PAK5: variants seen among roughly 807,000 people sequenced by gnomAD.
PAK5 encodes the protein p21 (RAC1) activated kinase 5, also known as serine/threonine-protein kinase PAK 5.
PAK5 carries 16 observed loss-of-function variants against 65.9 expected under a neutral mutation model. The ratio of observed to expected loss-of-function variants is 0.24; its 90% confidence interval spans 0.16 to 0.37. The LOEUF is 0.37. Ranked by LOEUF, PAK5 falls within the 10% of genes least tolerant of loss-of-function variation. The pLI is 1.00. For missense variants in PAK5, 785 were observed against 903.9 expected (o/e 0.87, Z 1.69); for synonymous variants, 371 against 354.9 (o/e 1.05, Z -0.51).
intron 3 of PAK5, among the ~76,000 whole-genome samples, chr20:9,615,174 G>A (rs1422012979): frequency 6.6e-6 from 1 of 152,202 alleles, no homozygotes; most frequent in Non-Finnish European, 1.5e-5. Flanking sequence ...CGGGGTTAGG[G>A]TGTGGGAGGG....
intron 3 of PAK5, among the ~76,000 whole-genome samples, chr20:9,613,523 C>A (rs1318392331): frequency 6.6e-6 from 1 of 152,160 alleles, no homozygotes; most frequent in Non-Finnish European, 1.5e-5. Context: ...GGAGCTTAAC[C>A]AGGTTCTCAC....
At chr20:9,835,077 T>C (rs1484082192) in intron 1 of PAK5, among the ~76,000 whole-genome samples, 3 of 152,200 alleles carry the variant, frequency 2.0e-5, no homozygotes, top group African/African-American at 7.2e-5. Flanking sequence ...AGGTTCTAAA[T>C]TGCTCTTTCT....
intron 2 of PAK5, among the ~76,000 whole-genome samples, chr20:9,676,547 G>C (rs1263053432): frequency 6.6e-6 from 1 of 152,134 alleles, no homozygotes; most frequent in Non-Finnish European, 1.5e-5. Context: ...AAGAAAACAG[G>C]ATAGTTTCAA....
intron 1 of PAK5, among the ~76,000 whole-genome samples, chr20:9,826,433 G>T (rs1303208798): frequency 6.6e-6 from 1 of 152,172 alleles, no homozygotes; most frequent in Non-Finnish European, 1.5e-5. Flanking sequence ...ACTGGTAAGT[G>T]ATTCTTTCGA....
chr20:9,756,251 T>C (rs952426994), intron 1 of PAK5, among the ~76,000 whole-genome samples: 1 of 152,202 alleles, frequency 6.6e-6, no homozygotes, highest in Non-Finnish European at 1.5e-5. Context: ...CCAGGTTTTA[T>C]GTCTTGAGAA....
intron 7 of PAK5, among the ~76,000 whole-genome samples, chr20:9,545,886 C>A (rs2045336544): frequency 6.6e-6 from 1 of 152,064 alleles, no homozygotes; most frequent in Non-Finnish European, 1.5e-5. Context: ...ATCCTTGACT[C>A]TTGTCTCTAT....
At chr20:9,666,708 G>A (rs774705606) in intron 2 of PAK5, among the ~76,000 whole-genome samples, 2 of 152,036 alleles carry the variant, frequency 1.3e-5, no homozygotes, top group Admixed American at 6.6e-5. Context: ...AAAACAAATA[G>A]CAAAAAGTTG....
At chr20:9,761,870 T>C (rs1042300709) in intron 1 of PAK5, among the ~76,000 whole-genome samples, 7 of 152,082 alleles carry the variant, frequency 4.6e-5, no homozygotes, top group African/African-American at 1.2e-4. Context: ...AGAGTAGCCA[T>C]ATAAAAAATT....
chr20:9,807,182 G>A lies in PAK5; in HGVS notation c.-162+31580C>T, dbSNP rs2049242946. Among the ~76,000 whole-genome samples, 2 of 152,084 alleles carry A rather than the reference G, an allele frequency of 1.3e-5. 1 individual carries two copies. The highest frequency in any genetic ancestry group is 1.3e-4 in the Admixed American group (2 of 15,268). On this transcript the variant is annotated intron_variant, in intron 1 of 9. Transcript: ENST00000353224. ...TTAATCATATCTGCAAATCCTTTTTGTCATATAAAGGAATGTGTTCTGTGG... is the reference window on the plus strand; with the variant it reads ...TTAATCATATCTGCAAATCCTTTTTATCATATAAAGGAATGTGTTCTGTGG...
chr20:9,770,139 G>A (rs1282483742), intron 1 of PAK5, among the ~76,000 whole-genome samples: 1 of 152,150 alleles, frequency 6.6e-6, no homozygotes, highest in East Asian at 1.9e-4. Flanking sequence ...CCAGAGTGAT[G>A]TCCTTGGGCA....
chr20:9,786,232 G>A (rs1202205189), intron 1 of PAK5, among the ~76,000 whole-genome samples: 2 of 152,036 alleles, frequency 1.3e-5, no homozygotes, highest in Non-Finnish European at 2.9e-5. Context: ...CCAGCTGGAA[G>A]GGAGGCTGGG....
At chr20:9,544,621 G>A in intron 7 of PAK5, 127 bp from the exon 8 acceptor site, 1 of 813,986 alleles carries the variant, frequency 1.2e-6, no homozygotes, top group East Asian at 2.6e-5. Flanking sequence ...GGACATATCA[G>A]AGGAGGGACT....
intron 2 of PAK5, among the ~76,000 whole-genome samples, chr20:9,648,994 G>A (rs1351257375): frequency 6.6e-6 from 1 of 152,140 alleles, no homozygotes; most frequent in Non-Finnish European, 1.5e-5. Flanking sequence ...TAAACCAAGG[G>A]CACAGCATAC....
At chr20:9,804,442 A>T (rs1167905979) in intron 1 of PAK5, among the ~76,000 whole-genome samples, 1 of 152,200 alleles carries the variant, frequency 6.6e-6, no homozygotes, top group East Asian at 1.9e-4. Flanking sequence ...TTTATGACAA[A>T]GGTGCCAGGA....
At chr20:9,701,264 A>G (rs898842374) in intron 2 of PAK5, among the ~76,000 whole-genome samples, 5 of 152,324 alleles carry the variant, frequency 3.3e-5, no homozygotes, top group Admixed American at 6.5e-5. Flanking sequence ...AACGTGTGAA[A>G]ATATTCCTGA....
intron 1 of PAK5, among the ~76,000 whole-genome samples, chr20:9,812,033 G>A (rs553690678): frequency 6.6e-6 from 1 of 152,132 alleles, no homozygotes; most frequent in East Asian, 1.9e-4. Flanking sequence ...AGGGGTAATG[G>A]GGTTGCTCAA....
chr20:9,775,315 G>A (rs2048876675), intron 1 of PAK5, among the ~76,000 whole-genome samples: 1 of 152,132 alleles, frequency 6.6e-6, no homozygotes, highest in Non-Finnish European at 1.5e-5. Context: ...ATGATACCAA[G>A]TTTCAGGGCA....
intron 1 of PAK5, among the ~76,000 whole-genome samples, chr20:9,804,003 A>G (rs762401017): frequency 1.3e-5 from 2 of 152,180 alleles, no homozygotes; most frequent in East Asian, 1.9e-4. Flanking sequence ...CCAGAGGCCT[A>G]CCTGGAAGGC....
At chr20:9,750,999 A>T (rs2048570057) in intron 1 of PAK5, among the ~76,000 whole-genome samples, 1 of 152,172 alleles carries the variant, frequency 6.6e-6, no homozygotes, top group Non-Finnish European at 1.5e-5. Context: ...GCAGTCTCCC[A>T]AAACAAGTTC....
Sources: gnomAD v4.1 joint callset for allele counts (sites outside exome capture counted in the v4.1 genomes callset) on GRCh38, gnomAD v4.1.1 for gene constraint, MANE v1.5 for transcripts, NCBI Gene and HGNC (gene_info 2026-07-23, HGNC 2026-07-21) for gene names.